The following NAV2 variants were observed in gnomAD, a reference collection of about 807,000 sequenced individuals.
NAV2 encodes the protein neuron navigator 2.
A neutral mutation model predicts 223.2 loss-of-function variants in NAV2; 54 were observed. That is an observed-to-expected ratio of 0.24 (90% CI 0.19 to 0.30). NAV2 has a LOEUF of 0.30. Ranked by LOEUF, NAV2 falls within the 10% of genes least tolerant of loss-of-function variation. NAV2 has a pLI of 1.00. For missense variants in NAV2, 2,806 were observed against 3,147.5 expected (o/e 0.89, Z 2.60); for synonymous variants, 1,279 against 1,239.3 (o/e 1.03, Z -0.67).
At chr11:19,707,776 T>C (rs2049714067) in intron 1 of NAV2, among the ~76,000 whole-genome samples, 1 of 152,236 alleles carries the variant, frequency 6.6e-6, no homozygotes, top group South Asian at 2.1e-4. Context: ...TTTATAAAAC[T>C]TGCAGCACAG....
intron 1 of NAV2, among the ~76,000 whole-genome samples, chr11:19,602,766 C>CCTTCT (rs1026958355): frequency 6.6e-6 from 1 of 152,164 alleles, no homozygotes; most frequent in Non-Finnish European, 1.5e-5. Context: ...TATCTTCTCC[C>CCTTCT]CTTCTCTTCT....
At chr11:19,753,248 T>A (rs1341367893) in intron 1 of NAV2, among the ~76,000 whole-genome samples, 1 of 152,206 alleles carries the variant, frequency 6.6e-6, no homozygotes, top group Admixed American at 6.5e-5. Context: ...ATTAGAATGG[T>A]ACCTTCATCT....
In NAV2 at chr11:19,593,713, C is replaced by A. The variant is rs2046123950; in HGVS notation, c.76-238771C>A. 2.0e-5 allele frequency among the ~76,000 whole-genome samples: 3 copies of A among 151,046 alleles called. No homozygotes were observed. In the South Asian group the frequency reaches 6.4e-4, roughly 32 times the overall value. On this transcript the variant is annotated intron_variant, in intron 1 of 37. Transcript: ENST00000360655. Reference sequence around the variant, plus strand: ...ACATCTTTGCTGGAATTTGGTGTTGCCACTATTTTAATTTTATCTGCTCTA... The same window carrying A: ...ACATCTTTGCTGGAATTTGGTGTTGACACTATTTTAATTTTATCTGCTCTA...
chr11:19,547,521 C>T (rs1197762091), intron 1 of NAV2, among the ~76,000 whole-genome samples: 1 of 152,192 alleles, frequency 6.6e-6, no homozygotes, highest in Non-Finnish European at 1.5e-5. Flanking sequence ...TGAAGTACAT[C>T]CTCACGCTGC....
chr11:19,656,280 T>C (rs2048123169), intron 1 of NAV2, among the ~76,000 whole-genome samples: 1 of 152,176 alleles, frequency 6.6e-6, no homozygotes, highest in Non-Finnish European at 1.5e-5. Flanking sequence ...CAAAGGCCCA[T>C]CCCTTGTCAC....
At chr11:19,929,491 A>G (rs2045117701) in intron 6 of NAV2, among the ~76,000 whole-genome samples, 1 of 152,066 alleles carries the variant, frequency 6.6e-6, no homozygotes, top group Admixed American at 6.5e-5. Context: ...ATCTAGCACC[A>G]CTCAAGACTC....
Position 19,443,964 on chromosome 11 carries a change from T to C in NAV2, c.75+92937T>C, listed in dbSNP as rs530188865. 1.1e-4 allele frequency among the ~76,000 whole-genome samples: 16 copies of C among 152,318 alleles called. No homozygotes were observed. The South Asian group carries it at 2.5e-3, about 24-fold the overall frequency. ...TTATTTTTTTGAGACGGAGTCTTGT[T>C]CTGTTGCCAAGCTGGAGTGGAGTGC... On this transcript the variant is annotated intron_variant, in intron 1 of 37. Transcript: ENST00000360655.
At chr11:19,614,131 A>G (rs1187485260) in intron 1 of NAV2, among the ~76,000 whole-genome samples, 1 of 152,146 alleles carries the variant, frequency 6.6e-6, no homozygotes. Context: ...CTGGTGCAGA[A>G]GGCCTTAAAA....
At chr11:19,605,088 G>T (rs992531621) in intron 1 of NAV2, among the ~76,000 whole-genome samples, 1 of 152,142 alleles carries the variant, frequency 6.6e-6, no homozygotes, top group African/African-American at 2.4e-5. Flanking sequence ...GCCTCCAGTT[G>T]GTGAATTGCA....
At chr11:19,424,636 C>T (rs1235499564) in intron 1 of NAV2, among the ~76,000 whole-genome samples, 1 of 152,132 alleles carries the variant, frequency 6.6e-6, no homozygotes, top group African/African-American at 2.4e-5. Flanking sequence ...GCAACCTCCA[C>T]CTCCTGGGTT....
intron 1 of NAV2, among the ~76,000 whole-genome samples, chr11:19,411,890 G>C (rs144565100): frequency 6.6e-6 from 1 of 152,280 alleles, no homozygotes; most frequent in Non-Finnish European, 1.5e-5. Context: ...AGCAGAAAGG[G>C]CATGCATTTG....
chr11:20,068,158 T>C, intron 20 of NAV2, 28 bp from the exon 21 acceptor site: 2 of 1,611,178 alleles, frequency 1.2e-6, no homozygotes, highest in South Asian at 1.1e-5. Flanking sequence ...CCTTAACTGG[T>C]CTAATTTCCT....
intron 3 of NAV2, among the ~76,000 whole-genome samples, chr11:19,865,192 C>A (rs113714701): frequency 0.01 from 1,536 of 152,280 alleles, 18 homozygotes; most frequent in Non-Finnish European, 0.016. Flanking sequence ...ATCAGATCCT[C>A]ATCTCATGCT....
intron 1 of NAV2, among the ~76,000 whole-genome samples, chr11:19,580,840 C>G (rs919798200): frequency 6.6e-6 from 1 of 152,168 alleles, no homozygotes; most frequent in African/African-American, 2.4e-5. Context: ...TGTGAATGTT[C>G]AACTTTACCA....
At chr11:19,734,547 T>C (rs7121297) in intron 1 of NAV2, among the ~76,000 whole-genome samples, 39,781 of 152,158 alleles carry the variant, frequency 0.26, 5,860 homozygotes, top group African/African-American at 0.4. Flanking sequence ...AAGCAGTTCA[T>C]GCTCAAGCAT....
chr11:19,345,505 G>A, the NAV2 span, among the ~76,000 whole-genome samples: 1 of 152,242 alleles, frequency 6.6e-6, no homozygotes, highest in African/African-American at 2.4e-5. This position sits in a 1 kb window ranked among gnomAD's most constrained non-coding sequence, Gnocchi z 5.2. Flanking sequence ...CTCATTGAGA[G>A]GCTCGGGGGC....
chr11:19,815,415 C>T (rs972848834), intron 1 of NAV2, among the ~76,000 whole-genome samples: 1 of 152,168 alleles, frequency 6.6e-6, no homozygotes, highest in East Asian at 1.9e-4. Context: ...GAAGAGATTT[C>T]TTTTGAGATA....
At chr11:19,607,657 T>C (rs1330201753) in intron 1 of NAV2, among the ~76,000 whole-genome samples, 1 of 152,140 alleles carries the variant, frequency 6.6e-6, no homozygotes, top group Non-Finnish European at 1.5e-5. Context: ...GAGTCTCTAA[T>C]GAAAGGGTAT....
chr11:19,417,373 T>C (rs1850417641), intron 1 of NAV2, among the ~76,000 whole-genome samples: 1 of 152,146 alleles, frequency 6.6e-6, no homozygotes, highest in Non-Finnish European at 1.5e-5. Flanking sequence ...ATTAGAGAAA[T>C]GCAAATCAAA....
Sources: gnomAD v4.1 joint callset for allele counts (sites outside exome capture counted in the v4.1 genomes callset) on GRCh38, gnomAD v4.1.1 for gene constraint, Gnocchi (gnomAD v3.1) non-coding constraint, MANE v1.5 for transcripts, NCBI Gene and HGNC (gene_info 2026-07-23, HGNC 2026-07-21) for gene names.